The following PLCE1 variants were observed in gnomAD, a reference collection of about 807,000 sequenced individuals.
The protein encoded by PLCE1 is 1-phosphatidylinositol 4,5-bisphosphate phosphodiesterase epsilon-1.
A neutral mutation model predicts 242.8 loss-of-function variants in PLCE1; 119 were observed. The observed-to-expected ratio is 0.49, with a 90% confidence interval of 0.42 to 0.57. PLCE1 has a LOEUF of 0.57. Ranked by LOEUF, PLCE1 falls within the 20% of genes least tolerant of loss-of-function variation. The pLI, the probability that PLCE1 is intolerant of heterozygous loss-of-function variation, is 0.00. For missense variants in PLCE1, 2,441 were observed against 2,788.8 expected (o/e 0.88, Z 2.81); for synonymous variants, 945 against 1,017.4 (o/e 0.93, Z 1.35).
intron 4 of PLCE1, among the ~76,000 whole-genome samples, chr10:94,200,617 C>G (rs1218332582): frequency 6.6e-6 from 1 of 152,186 alleles, no homozygotes; most frequent in Admixed American, 6.5e-5. Context: ...GAGCCTAACT[C>G]CCTACTTGTT....
rs936985881 is a variant in PLCE1 at position 94,046,945 on chromosome 10, T to A, written c.1206+14693T>A. ...CAGCATTTAGAACAGTAGCTGGCACTATGTAGCTGTTGTTGTTTCCTTTTA... is the reference window on the plus strand; with the variant it reads ...CAGCATTTAGAACAGTAGCTGGCACAATGTAGCTGTTGTTGTTTCCTTTTA... On this transcript the variant is annotated intron_variant, in intron 2 of 32. Coordinates refer to ENST00000371380, the MANE Select transcript of PLCE1 (RefSeq NM_016341.4). Among the ~76,000 whole-genome samples, 3 of 152,350 alleles carry A rather than the reference T, an allele frequency of 2.0e-5. No individual in the cohort carries two copies. The South Asian group carries it at 6.2e-4, about 32-fold the overall frequency.
intron 4 of PLCE1, among the ~76,000 whole-genome samples, chr10:94,172,601 A>G (rs952268846): frequency 7.2e-5 from 11 of 152,110 alleles, no homozygotes; most frequent in Admixed American, 7.2e-4. Context: ...GTGAGACAGG[A>G]GGATCGCTTG....
At chr10:94,207,220 C>A (rs1197589693) in intron 4 of PLCE1, among the ~76,000 whole-genome samples, 1 of 152,092 alleles carries the variant, frequency 6.6e-6, no homozygotes, top group Non-Finnish European at 1.5e-5. Flanking sequence ...GTGCCCCCAG[C>A]ATGCAAGGAT....
intron 18 of PLCE1, 112 bp from the exon 19 acceptor site, chr10:94,273,449 CT>C (rs2051824539): frequency 7.4e-6 from 8 of 1,075,758 alleles, no homozygotes; most frequent in Non-Finnish European, 9.7e-6. Flanking sequence ...CTTCCTAAGA[CT>C]TTTTAAATAA....
intron 1 of PLCE1, among the ~76,000 whole-genome samples, chr10:94,000,093 C>A (rs568739561): frequency 6.6e-6 from 1 of 152,308 alleles, no homozygotes; most frequent in African/African-American, 2.4e-5. Flanking sequence ...CTATCGTTTA[C>A]TTCGGCTTTT....
intron 2 of PLCE1, among the ~76,000 whole-genome samples, chr10:94,097,058 C>A (rs1163145335): frequency 6.6e-6 from 1 of 152,174 alleles, no homozygotes; most frequent in Non-Finnish European, 1.5e-5. Context: ...GATTACCCAA[C>A]TACCCCTCTC....
chr10:94,251,469 A>G (rs141525886), intron 8 of PLCE1, among the ~76,000 whole-genome samples: 173 of 152,350 alleles, frequency 1.1e-3, no homozygotes, highest in Admixed American at 2.2e-3. Flanking sequence ...TGAAGAGTAA[A>G]CACAGTACAT....
chr10:94,167,811 C>A (rs1190769848), intron 3 of PLCE1, among the ~76,000 whole-genome samples: 1 of 151,698 alleles, frequency 6.6e-6, no homozygotes, highest in Non-Finnish European at 1.5e-5. Flanking sequence ...GTCCCTAATC[C>A]TGTAGCTGGG....
At chr10:94,161,867 G>C (rs1025847549) in intron 3 of PLCE1, among the ~76,000 whole-genome samples, 2 of 152,068 alleles carry the variant, frequency 1.3e-5, no homozygotes, top group Admixed American at 6.6e-5. Context: ...TAGCATGAAG[G>C]GCTGTTGAAT....
chr10:94,228,015 T>C (rs751745861), intron 5 of PLCE1, among the ~76,000 whole-genome samples: 2 of 152,226 alleles, frequency 1.3e-5, no homozygotes, highest in African/African-American at 4.8e-5. Context: ...TCCCACATTA[T>C]ACAAAAGAGG....
At chr10:94,092,361 T>G (rs913049626) in intron 2 of PLCE1, among the ~76,000 whole-genome samples, 3 of 152,174 alleles carry the variant, frequency 2.0e-5, no homozygotes, top group Non-Finnish European at 4.4e-5. Flanking sequence ...GTGGCAGGTA[T>G]TGTGTGAAAT....
At chr10:94,135,212 C>T (rs2046732392) in intron 3 of PLCE1, among the ~76,000 whole-genome samples, 1 of 152,060 alleles carries the variant, frequency 6.6e-6, no homozygotes, top group Non-Finnish European at 1.5e-5. Context: ...ATACATATTA[C>T]AAAACATCAT....
chr10:94,322,987 C>A (rs1471499259), intron 30 of PLCE1, among the ~76,000 whole-genome samples: 1 of 152,112 alleles, frequency 6.6e-6, no homozygotes, highest in South Asian at 2.1e-4. Context: ...AGTTTAAAAT[C>A]TTGGAAATAT....
chr10:94,327,295 A>G (rs1019959494), intron 32 of PLCE1, among the ~76,000 whole-genome samples: 1 of 151,380 alleles, frequency 6.6e-6, no homozygotes, highest in East Asian at 2.0e-4. Context: ...CTCATAAGAA[A>G]AGAAGTTTAG....
At chr10:94,094,239 C>A (rs960707648) in intron 2 of PLCE1, among the ~76,000 whole-genome samples, 6 of 149,062 alleles carry the variant, frequency 4.0e-5, no homozygotes, top group Admixed American at 1.3e-4. Context: ...CCGCGCCCGG[C>A]CTCGGTATTT....
chr10:94,068,134 A>C (rs2044247592), intron 2 of PLCE1, among the ~76,000 whole-genome samples: 1 of 152,150 alleles, frequency 6.6e-6, no homozygotes, highest in Non-Finnish European at 1.5e-5. Context: ...CTCTTTGCTC[A>C]TGCAGTCACC....
Position 94,132,383 on chromosome 10 carries a change from A to C in PLCE1, c.1416A>C (p.Glu472Asp). The stretch of plus-strand genomic sequence containing the variant: ...AGTACATCACCGGTTCTCTCCTAGA[A>C]GCAACCACGTCTTTGGGAGCAAGAA... ...ISQYITGSLLEATTSLGARSG... is the reference protein window; with the variant it reads ...ISQYITGSLLDATTSLGARSG... Residue 472 changes from glutamate to aspartate, a missense_variant, in exon 3 of 33, where the codon GAA becomes GAC. Around this residue, in one of 5 missense-constraint regions of PLCE1, gnomAD observed 733 missense variants for 754.2 expected, o/e 0.97. Transcript: ENST00000371380. 6.2e-7 allele frequency: 1 copy of C among 1,614,154 alleles called. No individual in the cohort carries two copies. Among genetic ancestry groups the C allele is most frequent in the South Asian group, 1.1e-5 (1 of 91,072 alleles).
intron 27 of PLCE1, among the ~76,000 whole-genome samples, chr10:94,309,672 C>G (rs1050655765): frequency 1.3e-5 from 2 of 152,190 alleles, no homozygotes; most frequent in Non-Finnish European, 2.9e-5. Context: ...CTCATGGAAA[C>G]TCAGTGCCCA....
At chr10:94,222,810 A>G (rs1368631646) in intron 4 of PLCE1, among the ~76,000 whole-genome samples, 2 of 152,130 alleles carry the variant, frequency 1.3e-5, no homozygotes, top group African/African-American at 4.8e-5. Context: ...AGGGGTTACA[A>G]TCTACCCTCT....
Sources: allele counts gnomAD v4.1 joint callset (sites outside exome capture counted in the v4.1 genomes callset), GRCh38; gene constraint gnomAD v4.1.1; regional missense constraint gnomAD v4.1.1; transcripts MANE v1.5; gene names NCBI Gene and HGNC (gene_info 2026-07-23, HGNC 2026-07-21).